ZEB1: variants seen among roughly 807,000 people sequenced by gnomAD.
ZEB1 encodes the protein zinc finger E-box binding homeobox 1, also known as zinc finger E-box-binding homeobox 1.
A neutral mutation model predicts 84.9 loss-of-function variants in ZEB1; 21 were observed. That is an observed-to-expected ratio of 0.25 (90% CI 0.18 to 0.36). The LOEUF is 0.36. ZEB1 is among the 10% of genes least tolerant of loss of function. The pLI, the probability that ZEB1 is intolerant of heterozygous loss-of-function variation, is 1.00. For synonymous variants in ZEB1, 420 were observed against 471.1 expected (o/e 0.89, Z 1.41); for missense variants, 1,104 against 1,330.2 (o/e 0.83, Z 2.65).
chr10:31,415,370 G>A (rs2055034887), intron 1 of ZEB1, among the ~76,000 whole-genome samples: 2 of 152,004 alleles, frequency 1.3e-5, no homozygotes, highest in South Asian at 4.2e-4. Flanking sequence ...CACGAGTATA[G>A]AAAAATATCT....
intron 1 of ZEB1, among the ~76,000 whole-genome samples, chr10:31,346,946 GC>G (rs1301825869): frequency 6.6e-6 from 1 of 152,138 alleles, no homozygotes; most frequent in Non-Finnish European, 1.5e-5. Flanking sequence ...ATGGTTTAAA[GC>G]TTTGATAAGT....
chr10:31,345,705 A>C (rs947246967), intron 1 of ZEB1, among the ~76,000 whole-genome samples: 2 of 152,166 alleles, frequency 1.3e-5, no homozygotes, highest in Non-Finnish European at 2.9e-5. Context: ...AAACAGCCTC[A>C]TTCATTTATA....
intron 2 of ZEB1, among the ~76,000 whole-genome samples, chr10:31,482,328 T>C (rs2065151144): frequency 6.6e-6 from 1 of 152,006 alleles, no homozygotes. Context: ...GCTTCAAAAG[T>C]GTCAATGTCA....
chr10:31,457,580 T>G (rs969394076), intron 1 of ZEB1, among the ~76,000 whole-genome samples: 15 of 152,100 alleles, frequency 9.9e-5, no homozygotes, highest in African/African-American at 2.9e-4. Flanking sequence ...AAGATAGTTA[T>G]AAAATATATA....
At chr10:31,397,785 C>CA (rs1177134852) in intron 1 of ZEB1, among the ~76,000 whole-genome samples, 2 of 152,086 alleles carry the variant, frequency 1.3e-5, no homozygotes, top group Non-Finnish European at 2.9e-5. Flanking sequence ...ATGTGGCCCT[C>CA]AAAGTCTATG....
intron 4 of ZEB1, among the ~76,000 whole-genome samples, chr10:31,503,984 A>G (rs1343214336): frequency 6.6e-6 from 1 of 151,998 alleles, no homozygotes; most frequent in African/African-American, 2.4e-5. Flanking sequence ...AGTAATTTGC[A>G]GATATTCACT....
chr10:31,454,234 G>A (rs898544344), intron 1 of ZEB1, among the ~76,000 whole-genome samples: 7 of 151,844 alleles, frequency 4.6e-5, no homozygotes, highest in Admixed American at 2.6e-4. Flanking sequence ...AACTCTCCAC[G>A]AGCTCTAGGT....
At position 31,521,664 on chromosome 10, in the gene ZEB1, C is replaced by T; in HGVS notation, c.2332C>T (p.Pro778Ser). Residue 778 changes from proline to serine, a missense_variant, in exon 7 of 9, where the codon CCA becomes TCA. Around this residue, in one of 7 missense-constraint regions of ZEB1, gnomAD observed 531 missense variants for 575.2 expected, o/e 0.92. Transcript: ENST00000424869. ...PLNLSCAKKE[P>S]QKDSCVTDSE... ...GAACTTGTCTTGCGCAAAAAAGGAGCCACAAAAGGACAGTTGTGTTACAGA... is the reference window on the plus strand; with the variant it reads ...GAACTTGTCTTGCGCAAAAAAGGAGTCACAAAAGGACAGTTGTGTTACAGA... 6.2e-7 allele frequency: 1 copy of T among 1,614,040 alleles called. No homozygotes were observed. The highest frequency in any genetic ancestry group is 8.5e-7 in the Non-Finnish European group (1 of 1,179,972).
At chr10:31,512,351 A>G (rs2070237827) in intron 5 of ZEB1, among the ~76,000 whole-genome samples, 1 of 152,182 alleles carries the variant, frequency 6.6e-6, no homozygotes. Context: ...AACCAATTCT[A>G]TGATGATTTT....
At chr10:31,384,912 T>A (rs1394228836) in intron 1 of ZEB1, among the ~76,000 whole-genome samples, 1 of 152,172 alleles carries the variant, frequency 6.6e-6, no homozygotes, top group African/African-American at 2.4e-5. Context: ...CCTTTTTAGC[T>A]CTTTTTGTCG....
chr10:31,469,108 G>A (rs2062821762), intron 2 of ZEB1, among the ~76,000 whole-genome samples: 1 of 152,194 alleles, frequency 6.6e-6, no homozygotes, highest in African/African-American at 2.4e-5. Flanking sequence ...TAAATTTGCT[G>A]AAGGAACTTC....
chr10:31,335,249 CTG>C (rs2037760640), intron 1 of ZEB1, among the ~76,000 whole-genome samples: 1 of 152,072 alleles, frequency 6.6e-6, no homozygotes, highest in South Asian at 2.1e-4. Flanking sequence ...CATATCCACA[CTG>C]TATATGCTAC....
At chr10:31,333,255 G>T (rs2037194578) in intron 1 of ZEB1, among the ~76,000 whole-genome samples, 1 of 152,110 alleles carries the variant, frequency 6.6e-6, no homozygotes, top group South Asian at 2.1e-4. Context: ...GTTGTATAGA[G>T]CCTGGGAATT....
intron 7 of ZEB1, among the ~76,000 whole-genome samples, chr10:31,522,629 A>G (rs1433368709): frequency 6.6e-6 from 1 of 152,292 alleles, no homozygotes; most frequent in South Asian, 2.1e-4. Flanking sequence ...AAAATCCACA[A>G]TAGTTTTGGA....
intron 1 of ZEB1, among the ~76,000 whole-genome samples, chr10:31,324,247 C>CTCTA (rs1394840934): frequency 6.6e-6 from 1 of 152,006 alleles, no homozygotes; most frequent in Non-Finnish European, 1.5e-5. Flanking sequence ...TTCTTCCTTT[C>CTCTA]TCTAGTCTCT....
At chr10:31,320,246 GC>G (rs2033534582) in intron 1 of ZEB1, 1 of 152,140 alleles carries the variant, frequency 6.6e-6, no homozygotes, top group Non-Finnish European at 1.5e-5. Flanking sequence ...GCGGATGGGG[GC>G]GAGCTGGGCG....
intron 1 of ZEB1, among the ~76,000 whole-genome samples, chr10:31,346,556 A>C (rs1387199396): frequency 6.6e-6 from 1 of 151,534 alleles, no homozygotes; most frequent in Non-Finnish European, 1.5e-5. Flanking sequence ...AAACTTTTGC[A>C]CGTAGAGTTT....
intron 1 of ZEB1, among the ~76,000 whole-genome samples, chr10:31,338,876 A>G (rs1159311104): frequency 6.6e-6 from 1 of 152,168 alleles, no homozygotes. Context: ...TTTGATATTT[A>G]TACATCATAA....
intron 2 of ZEB1, among the ~76,000 whole-genome samples, chr10:31,479,189 C>G (rs904100356): frequency 6.6e-6 from 1 of 151,546 alleles, no homozygotes; most frequent in Non-Finnish European, 1.5e-5. Flanking sequence ...CAAGATATAC[C>G]ATGAAGAAAC....
Sources: gnomAD v4.1 joint callset for allele counts (sites outside exome capture counted in the v4.1 genomes callset) on GRCh38, gnomAD v4.1.1 for gene constraint, gnomAD v4.1.1 regional missense constraint, MANE v1.5 for transcripts, NCBI Gene and HGNC (gene_info 2026-07-23, HGNC 2026-07-21) for gene names.